Variants in PDGFD observed in about 807,000 individuals in gnomAD.
PDGFD encodes platelet derived growth factor D.
A neutral mutation model predicts 44.7 loss-of-function variants in PDGFD; 30 were observed. The observed-to-expected ratio is 0.67, with a 90% CI of 0.50 to 0.91. The LOEUF (loss-of-function observed/expected upper bound fraction) is 0.91, where lower values mean the gene tolerates loss of function less well. Ranked by LOEUF, PDGFD falls within the 40% of genes least tolerant of loss-of-function variation. PDGFD has a pLI of 0.00. For synonymous variants in PDGFD, 173 were observed against 168.4 expected (o/e 1.03, Z -0.21); for missense variants, 445 against 457.8 (o/e 0.97, Z 0.25).
chr11:104,072,317 G>T (rs929885593), intron 1 of PDGFD, among the ~76,000 whole-genome samples: 1 of 151,606 alleles, frequency 6.6e-6, no homozygotes, highest in African/African-American at 2.4e-5. Flanking sequence ...CACATTCTTT[G>T]TTAAATTTTT....
At chr11:104,043,117 T>C (rs1471825065) in intron 1 of PDGFD, among the ~76,000 whole-genome samples, 1 of 152,156 alleles carries the variant, frequency 6.6e-6, no homozygotes, top group Non-Finnish European at 1.5e-5. Context: ...GTAAAATATT[T>C]AAAAATAATG....
chr11:104,142,766 A>G (rs1330910494), intron 1 of PDGFD, among the ~76,000 whole-genome samples: 2 of 152,196 alleles, frequency 1.3e-5, no homozygotes, highest in African/African-American at 4.8e-5. Flanking sequence ...TCTTCTCGAA[A>G]ATGCAGACTG....
At chr11:103,926,512 TA>T (rs1474845328) in intron 6 of PDGFD, among the ~76,000 whole-genome samples, 1 of 152,238 alleles carries the variant, frequency 6.6e-6, no homozygotes, top group Non-Finnish European at 1.5e-5. Context: ...CCAAATTTAT[TA>T]AATGATATAA....
chr11:103,933,917 C>T (rs1404729833), intron 5 of PDGFD, among the ~76,000 whole-genome samples: 1 of 152,130 alleles, frequency 6.6e-6, no homozygotes, highest in Non-Finnish European at 1.5e-5. Context: ...ATCATAAAGC[C>T]ATTCTCTGAA....
chr11:103,939,832 A>G (rs1329603153), intron 5 of PDGFD, among the ~76,000 whole-genome samples: 1 of 152,132 alleles, frequency 6.6e-6, no homozygotes, highest in Non-Finnish European at 1.5e-5. Flanking sequence ...ACTGGCAAAA[A>G]TTAGGTTTGA....
At chr11:104,041,365 C>T (rs908208156) in intron 1 of PDGFD, among the ~76,000 whole-genome samples, 8 of 151,376 alleles carry the variant, frequency 5.3e-5, no homozygotes, top group Non-Finnish European at 1.2e-4. Context: ...AGAAGCAAGC[C>T]AGTAAATGTA....
In PDGFD at chr11:103,943,455, T is replaced by G; in HGVS notation, c.769A>C (p.Lys257Gln). The change falls in exon 5 of 7, where the codon AAA (lysine) becomes CAA (glutamine). Residue 257 changes from lysine to glutamine, a missense_variant. Lys to Gln is a moderately conservative substitution (Grantham distance 53). Transcript: ENST00000393158. Reference sequence around the variant, plus strand: ...TGTACAAGTGTCTGTCTCTTACCTTTTGACTTCCGGTCATGGTATGACCTG... The same window carrying G: ...TGTACAAGTGTCTGTCTCTTACCTTGTGACTTCCGGTCATGGTATGACCTG... ...RGRSYHDRKS[K>Q]VDLDRLNDDA... 1 of 1,611,302 alleles carries G rather than the reference T, an allele frequency of 6.2e-7. No individual in the cohort carries two copies. Among genetic ancestry groups the G allele is most frequent in the South Asian group, 1.1e-5 (1 of 90,816 alleles).
chr11:103,920,669 C>G (rs2134305775), intron 6 of PDGFD, among the ~76,000 whole-genome samples: 1 of 152,262 alleles, frequency 6.6e-6, no homozygotes, highest in East Asian at 1.9e-4. Context: ...AGACCAGGCT[C>G]TCATCTAATT....
intron 1 of PDGFD, among the ~76,000 whole-genome samples, chr11:104,107,397 T>G (rs896210459): frequency 6.6e-6 from 1 of 152,080 alleles, no homozygotes. Flanking sequence ...CAACAAACAG[T>G]GCGCTTAGAA....
chr11:103,948,519 T>C (rs1205876915), intron 3 of PDGFD, among the ~76,000 whole-genome samples: 1 of 152,168 alleles, frequency 6.6e-6, no homozygotes, highest in Non-Finnish European at 1.5e-5. Flanking sequence ...TTAAAAAACA[T>C]TAAGGGAAGG....
At chr11:104,106,365 ATAGT>A (rs1591166602) in intron 1 of PDGFD, among the ~76,000 whole-genome samples, 1 of 152,172 alleles carries the variant, frequency 6.6e-6, no homozygotes, top group Non-Finnish European at 1.5e-5. Flanking sequence ...ACCATAAGAC[ATAGT>A]TAATTTTTTC....
intron 1 of PDGFD, among the ~76,000 whole-genome samples, chr11:104,106,312 C>CT (rs1861471104): frequency 6.6e-6 from 1 of 152,048 alleles, no homozygotes; most frequent in Non-Finnish European, 1.5e-5. Context: ...TTTTTTAGCT[C>CT]TGAGGAATGA....
intron 3 of PDGFD, among the ~76,000 whole-genome samples, chr11:103,988,748 G>C (rs1859407645): frequency 6.6e-6 from 1 of 152,114 alleles, no homozygotes; most frequent in Non-Finnish European, 1.5e-5. Flanking sequence ...TAACCTCTGT[G>C]TTTTCACTGA....
chr11:104,042,621 C>T (rs2134400218), intron 1 of PDGFD, among the ~76,000 whole-genome samples: 1 of 152,206 alleles, frequency 6.6e-6, no homozygotes, highest in South Asian at 2.1e-4. Flanking sequence ...GTTAAAGTCC[C>T]TAGGAGGCAA....
chr11:104,096,061 A>G lies in PDGFD; in HGVS notation c.124+67743T>C, dbSNP rs146943607. 7.2e-3 allele frequency among the ~76,000 whole-genome samples: 1,094 copies of G among 152,284 alleles called. 9 individuals carry two copies. Among genetic ancestry groups the G allele is most frequent in the African/African-American group, 0.025 (1,043 of 41,564 alleles). ...AGGGAATTACTTAGGCACTTGGAGA[A>G]TCTGGTATTAAGTTCTGAATCTCCT... On this transcript the variant is annotated intron_variant, in intron 1 of 6. Transcript: ENST00000393158.
At chr11:103,925,679 G>GTATATATATA (rs367755559) in intron 6 of PDGFD, among the ~76,000 whole-genome samples, 2 of 119,786 alleles carry the variant, frequency 1.7e-5, no homozygotes, top group African/African-American at 6.2e-5. Context: ...GTGTGTCTGT[G>GTATATATATA]TATATATATA....
chr11:104,118,761 TATAA>T (rs1315478174), intron 1 of PDGFD, among the ~76,000 whole-genome samples: 1 of 116,372 alleles, frequency 8.6e-6, no homozygotes, highest in African/African-American at 3.3e-5. Flanking sequence ...TAGTATATAT[TATAA>T]ATATTAATAT....
At chr11:104,157,705 T>C (rs1203294054) in intron 1 of PDGFD, among the ~76,000 whole-genome samples, 1 of 152,162 alleles carries the variant, frequency 6.6e-6, no homozygotes, top group African/African-American at 2.4e-5. Flanking sequence ...ATTTTAAAAA[T>C]GAAGAATCCT....
chr11:104,047,187 G>T (rs537647504), intron 1 of PDGFD, among the ~76,000 whole-genome samples: 2 of 147,548 alleles, frequency 1.4e-5, no homozygotes, highest in African/African-American at 4.9e-5. Context: ...TGTGAACAGT[G>T]CTGCAATAAA....
Sources: gnomAD v4.1 joint callset for allele counts (sites outside exome capture counted in the v4.1 genomes callset) on GRCh38, gnomAD v4.1.1 for gene constraint, MANE v1.5 for transcripts, NCBI Gene and HGNC (gene_info 2026-07-23, HGNC 2026-07-21) for gene names.